The following LRWD1 variants were observed in gnomAD, a reference collection of about 807,000 sequenced individuals.
The protein encoded by LRWD1 is leucine rich repeats and WD repeat domain containing 1, also known as leucine-rich repeat and WD repeat-containing protein 1.
In LRWD1, 76 loss-of-function variants were observed where a neutral mutation model predicts 75.6. The observed-to-expected ratio is 1.01, with a 90% CI of 0.84 to 1.22. The LOEUF (loss-of-function observed/expected upper bound fraction) is 1.22, where lower values mean the gene tolerates loss of function less well. Ranked by LOEUF, LRWD1 falls within the 50% of genes most tolerant of loss-of-function variation. The probability of loss-of-function intolerance (pLI) is 0.00; values close to 1 mark genes in which losing one functional copy is unlikely to be tolerated. For synonymous variants in LRWD1, 487 were observed against 377.0 expected, an observed-to-expected ratio of 1.29 and a Z score of -3.38; for missense variants, 917 against 862.0, an observed-to-expected ratio of 1.06 and a Z score of -0.80.
chr7:102,467,070 G>GGTGTGTGTGT (rs59522694), intron 3 of LRWD1, among the ~76,000 whole-genome samples: 348 of 133,580 alleles, frequency 2.6e-3, no homozygotes, highest in Middle Eastern at 7.2e-3. Context: ...GGTTGTTGCT[G>GGTGTGTGTGT]GTGTGTGTGT....
intron 11 of LRWD1, chr7:102,471,937 G>A (rs1047287581): frequency 4.2e-5 from 17 of 408,476 alleles, no homozygotes; most frequent in Middle Eastern, 7.5e-4. Context: ...GCACTGGCTC[G>A]CTTCAGAGCC....
At chr7:102,465,733 A>C (rs1030108541) in intron 1 of LRWD1, 84 bp from the exon 2 acceptor site, 3 of 987,252 alleles carry the variant, frequency 3.0e-6, no homozygotes, top group Non-Finnish European at 4.7e-6. Context: ...ATGTCAGGTG[A>C]AAAAGCCTTC....
At chr7:102,466,530 T>G (rs1797983727) in intron 3 of LRWD1, among the ~76,000 whole-genome samples, 1 of 152,166 alleles carries the variant, frequency 6.6e-6, no homozygotes, top group African/African-American at 2.4e-5. Flanking sequence ...TTTTCCTGCC[T>G]CAGCCTCCCG....
chr7:102,472,497 G>C lies in LRWD1; in HGVS notation c.1578G>C (p.Trp526Cys). The change falls in exon 13 of 15, where the codon TGG becomes TGC. Residue 526 changes from tryptophan to cysteine, a missense_variant. Transcript: ENST00000292616. ...SGLGTICLWS[W>C]RQTWGGRGSQ... is the part of the protein sequence containing the mutation. ...TGGGCACCATCTGCCTGTGGAGCTG[G>C]AGGCAGACGTGGGGGGGCCGGGGCA... 3.9e-6 allele frequency: 6 copies of C among 1,547,688 alleles called. No homozygotes were observed. The highest frequency in any genetic ancestry group is 5.2e-6 in the Non-Finnish European group (6 of 1,146,288).
In LRWD1 at chr7:102,469,665, C is replaced by T. The variant is rs765818874; in HGVS notation, c.1301+19C>T. The T allele has an allele frequency of 5.0e-6, 8 of 1,614,146 alleles. No homozygotes were observed. In the East Asian group the frequency reaches 1.3e-4, roughly 27 times the overall value. ...AGGCCAGGTGATGCTTCGGGTGAGGCTGGGGAGTGGCCAGCTGCTGGGGCA... is the reference window on the plus strand; with the variant it reads ...AGGCCAGGTGATGCTTCGGGTGAGGTTGGGGAGTGGCCAGCTGCTGGGGCA... On this transcript the variant is annotated intron_variant, in intron 10 of 14. Transcript: ENST00000292616.
chr7:102,465,772 G>A (rs1376983886), intron 1 of LRWD1, 45 bp from the exon 2 acceptor site: 2 of 1,479,034 alleles, frequency 1.4e-6, no homozygotes, highest in Admixed American at 3.4e-5. Context: ...TTGGTGTAGG[G>A]TGCAAAGCCT....
chr7:102,469,972 C>G (rs12533485), intron 11 of LRWD1, 90 bp downstream of exon 11: 97,744 of 1,400,508 alleles, frequency 0.07, 7,809 homozygotes, highest in East Asian at 0.47. Context: ...TGGGCACACC[C>G]GGGTAACCAT....
At chr7:102,467,245 C>T in intron 3 of LRWD1, 94 bp from the exon 4 acceptor site, 1 of 1,369,386 alleles carries the variant, frequency 7.3e-7, no homozygotes, top group Non-Finnish European at 9.9e-7. Flanking sequence ...AGGAGGCTTC[C>T]AGCAGGTGGC....
At position 102,468,121 on chromosome 7, in the gene LRWD1, G is replaced by C; in HGVS notation, c.738G>C (p.Lys246Asn). ...TCCCACTCAGCCTCTCTCCCAGCAA[G>C]CGGGCGTGTGCCTCCCCGTCGGCCC... ...DDVPLSLSPS[K>N]RACASPSAQV... is the part of the protein sequence containing the mutation. The change falls in exon 6 of 15, where the codon AAG becomes AAC. Residue 246 changes from lysine (K) to asparagine (N), a missense_variant. Coordinates refer to ENST00000292616, the MANE Select transcript of LRWD1 (RefSeq NM_152892.3). 2 of 1,609,974 alleles carry C rather than the reference G, an allele frequency of 1.2e-6. No individual in the cohort carries two copies. Among genetic ancestry groups the C allele is most frequent in the Non-Finnish European group, 1.7e-6 (2 of 1,179,176 alleles).
At chr7:102,472,334 A>G in intron 12 of LRWD1, 25 bp downstream of exon 12, 1 of 1,558,122 alleles carries the variant, frequency 6.4e-7, no homozygotes, top group African/African-American at 1.4e-5. Context: ...CTTGTGGGAC[A>G]GCCTGGCCTC....
intron 11 of LRWD1, 38 bp from the exon 12 acceptor site, chr7:102,472,180 C>G (rs1388406496): frequency 6.4e-7 from 1 of 1,552,060 alleles, no homozygotes; most frequent in East Asian, 2.4e-5. Context: ...TCTCTATCTG[C>G]AAGGAATGGC....
rs560178149 is a variant in LRWD1 at position 102,472,204 on chromosome 7, G to A, written c.1443-14G>A. 21 of 1,579,174 alleles carry A rather than the reference G, an allele frequency of 1.3e-5. No homozygotes were observed. The highest frequency in any genetic ancestry group is 6.9e-5 in the East Asian group (3 of 43,558). On this transcript the variant is annotated splice_polypyrimidine_tract_variant and intron_variant, in intron 11 of 14. Coordinates refer to ENST00000292616, the MANE Select transcript of LRWD1 (RefSeq NM_152892.3). ...GCAAGGAATGGCCAACTAGCATCTC[G>A]TGCTGCCCCACAGGGTGTGTGAAGT...
At chr7:102,465,234 A>G (rs866803548) in intron 1 of LRWD1, 74 bp downstream of exon 1, 412 of 1,302,954 alleles carry the variant, frequency 3.2e-4, no homozygotes, top group Middle Eastern at 1.6e-3. Context: ...GACCCTCCCC[A>G]ACGGCCCGCT....
chr7:102,468,223 G>A, intron 6 of LRWD1, 36 bp downstream of exon 6: 1 of 1,601,634 alleles, frequency 6.2e-7, no homozygotes, highest in Non-Finnish European at 8.5e-7. Context: ...TGGCAGATGA[G>A]TCGGGGCTGG....
intron 4 of LRWD1, 48 bp from the exon 5 acceptor site, chr7:102,467,671 G>A: frequency 6.5e-7 from 1 of 1,536,268 alleles, no homozygotes; most frequent in Non-Finnish European, 8.8e-7. Context: ...GCAGGGCTGG[G>A]GGCACCTGGG....
Position 102,468,854 on chromosome 7 carries a change from G to C in LRWD1, c.1021-1G>C, listed in dbSNP as rs1163379339. 6.2e-7 allele frequency: 1 copy of C among 1,610,070 alleles called. No homozygotes were observed. The highest frequency in any genetic ancestry group is 1.3e-5 in the African/African-American group (1 of 74,898). ...GACTGTTTACTCTAACCCCCGCCCA[G>C]GAGTTCTTTTCTGTGGCCTGGACCG... On this transcript the variant is annotated splice_acceptor_variant, in intron 8 of 14. Coordinates refer to ENST00000292616, the MANE Select transcript of LRWD1 (RefSeq NM_152892.3). LOFTEE classifies it high-confidence loss of function.
Position 102,468,043 on chromosome 7 carries a change from C to A in LRWD1, c.679-19C>A. On this transcript the variant is annotated intron_variant, in intron 5 of 14. Coordinates refer to ENST00000292616, the MANE Select transcript of LRWD1 (RefSeq NM_152892.3). ...AGCCCCAGGCAGACAGGCCCATGGTCACAAGGCCCCCTCCACAGGCCAGAC... is the reference window on the plus strand; with the variant it reads ...AGCCCCAGGCAGACAGGCCCATGGTAACAAGGCCCCCTCCACAGGCCAGAC... The A allele has an allele frequency of 6.2e-7, 1 of 1,602,706 alleles. No individual in the cohort carries two copies. Among genetic ancestry groups the A allele is most frequent in the South Asian group, 1.1e-5 (1 of 90,350 alleles).
chr7:102,468,696 C>CT (rs1798092919), intron 8 of LRWD1, 42 bp downstream of exon 8: 15 of 1,548,170 alleles, frequency 9.7e-6, no homozygotes, highest in Non-Finnish European at 7.9e-6. Context: ...GGGTGCCCGA[C>CT]TGACTCCTGA....
chr7:102,465,579 C>T, intron 1 of LRWD1: 2 of 337,900 alleles, frequency 5.9e-6, no homozygotes, highest in Non-Finnish European at 1.1e-5. Flanking sequence ...CCCAGCTACT[C>T]GAGAGGCTGA....
Sources: allele counts gnomAD v4.1 joint callset (sites outside exome capture counted in the v4.1 genomes callset), GRCh38; gene constraint gnomAD v4.1.1; transcripts MANE v1.5; gene names NCBI Gene and HGNC (gene_info 2026-07-23, HGNC 2026-07-21).